DMD: variants seen among roughly 807,000 people sequenced by gnomAD.
DMD encodes the protein mutant dystrophin.
Under a neutral mutation model 330.1 loss-of-function variants are expected in DMD, and 63 were observed. The observed-to-expected ratio is 0.19, with a 90% CI of 0.16 to 0.24. The LOEUF is 0.24. Ranked by LOEUF, DMD falls within the 10% of genes least tolerant of loss-of-function variation. The pLI is 1.00. For synonymous variants in DMD, 1,223 were observed against 959.8 expected (o/e 1.27, Z -5.07); for missense variants, 3,344 against 2,684.1 (o/e 1.25, Z -5.43).
intron 29 of DMD, among the ~76,000 whole-genome samples, chrX:32,412,750 C>T (rs2098148496): frequency 9.0e-6 from 1 of 111,362 alleles, no homozygotes; most frequent in Non-Finnish European, 1.9e-5. Flanking sequence ...AAATACATTT[C>T]CTTAATATAC....
chrX:31,451,348 T>C (rs1450114428), intron 59 of DMD, among the ~76,000 whole-genome samples: 3 of 100,954 alleles, frequency 3.0e-5, no homozygotes, highest in Non-Finnish European at 6.0e-5. Context: ...AATGGCACGA[T>C]CTCGGCTCAC....
intron 7 of DMD, among the ~76,000 whole-genome samples, chrX:32,782,959 T>TAC (rs1312209499): frequency 3.9e-5 from 4 of 103,166 alleles, no homozygotes; most frequent in East Asian, 3.1e-4. Context: ...CACACACACA[T>TAC]ACACACACAC....
At chrX:32,521,169 T>C (rs1233220127) in intron 17 of DMD, among the ~76,000 whole-genome samples, 3 of 111,909 alleles carry the variant, frequency 2.7e-5, no homozygotes, top group Non-Finnish European at 5.6e-5. Context: ...TCCATCCAAT[T>C]TCTAGTATTT....
chrX:32,788,205 T>C (rs1235922368), intron 7 of DMD, among the ~76,000 whole-genome samples: 2 of 111,917 alleles, frequency 1.8e-5, no homozygotes, highest in African/African-American at 3.2e-5. Flanking sequence ...GTTAAGATAA[T>C]AGTAGAATTT....
At chrX:32,183,191 T>G (rs907644984) in intron 44 of DMD, among the ~76,000 whole-genome samples, 2 of 111,136 alleles carry the variant, frequency 1.8e-5, no homozygotes, top group Admixed American at 1.9e-4. Context: ...CCTGCCAACT[T>G]ACTCACAATA....
intron 47 of DMD, among the ~76,000 whole-genome samples, chrX:31,906,177 C>T (rs1368187935): frequency 8.9e-6 from 1 of 111,772 alleles, no homozygotes; most frequent in Non-Finnish European, 1.9e-5. Flanking sequence ...TCTCCTCCTT[C>T]CTGCTGCCAT....
chrX:32,212,975 A>C (rs1244899283), intron 44 of DMD, among the ~76,000 whole-genome samples: 1 of 112,042 alleles, frequency 8.9e-6, no homozygotes, highest in Non-Finnish European at 1.9e-5. Flanking sequence ...GAATGATAAC[A>C]CTAAGTCTCA....
Position 33,229,325 on chromosome X carries a change from A to G in DMD, c.7+109934T>C, listed in dbSNP as rs200782916. On this transcript the variant is annotated intron_variant, in intron 1 of 17. Coordinates refer to the DMD transcript ENST00000288447. ...CCATATGTTTTTCTAAAATATTTGT[A>G]GTTTTATGTTTTATATTTGACATTT... Among the ~76,000 whole-genome samples, 6 of 111,443 alleles carry G rather than the reference A, an allele frequency of 5.4e-5. No homozygotes were observed. In the East Asian group the frequency reaches 1.4e-3, roughly 26 times the overall value.
At chrX:31,547,894 C>A (rs1400075741) in intron 55 of DMD, among the ~76,000 whole-genome samples, 1 of 111,767 alleles carries the variant, frequency 8.9e-6, no homozygotes, top group Admixed American at 9.5e-5. Flanking sequence ...AGAGCCCATT[C>A]AATCCCTCTT....
intron 55 of DMD, among the ~76,000 whole-genome samples, chrX:31,614,177 G>C (rs901494128): frequency 3.6e-5 from 4 of 112,183 alleles, no homozygotes; most frequent in Admixed American, 9.5e-5. Flanking sequence ...AAGAATGCCT[G>C]GTCAAGTGGT....
chrX:31,126,336 G>C (rs1231872251), intron 78 of DMD, among the ~76,000 whole-genome samples: 1 of 112,084 alleles, frequency 8.9e-6, no homozygotes, highest in Non-Finnish European at 1.9e-5. Context: ...GATTTTGTTA[G>C]TGTTGCAAAT....
At chrX:33,260,803 A>G (rs774319909) in intron 1 of DMD, among the ~76,000 whole-genome samples, 1 of 111,513 alleles carries the variant, frequency 9.0e-6, no homozygotes, top group East Asian at 2.8e-4. Context: ...TTTGTCGATG[A>G]TAGGTTGTAA....
rs893579648 is a variant in DMD, at chrX:32,356,310, C to T, written c.5325+6478G>A. Among the ~76,000 whole-genome samples, 12 of 105,094 alleles carry T rather than the reference C, an allele frequency of 1.1e-4. No individual in the cohort carries two copies. The East Asian group carries it at 3.6e-3, about 31-fold the overall frequency. The allele number at this position is 105,094 out of a possible 115,157, so 91.3% of individuals were successfully genotyped here. ...AAGGTCACTGACTCTCTCACAGCCT[C>T]CTATAAACTTGTGAAAGTCTCTTAT... is the stretch of plus-strand genomic sequence containing the variant. On this transcript the variant is annotated intron_variant, in intron 37 of 78. Transcript: ENST00000357033.
At chrX:31,304,600 ATT>A (rs972285281) in intron 62 of DMD, among the ~76,000 whole-genome samples, 1 of 100,169 alleles carries the variant, frequency 1.0e-5, no homozygotes, top group Admixed American at 1.0e-4. Flanking sequence ...TTTTGTGAGC[ATT>A]TTATATATAT....
intron 60 of DMD, among the ~76,000 whole-genome samples, chrX:31,420,128 T>C (rs770475105): frequency 7.1e-5 from 8 of 112,321 alleles, no homozygotes; most frequent in Non-Finnish European, 1.3e-4. Flanking sequence ...TGGGTAAAAA[T>C]ACACTATTGT....
At chrX:32,787,137 TCATGAACC>T (rs2075420138) in intron 7 of DMD, among the ~76,000 whole-genome samples, 1 of 110,054 alleles carries the variant, frequency 9.1e-6, no homozygotes, top group South Asian at 3.9e-4. Flanking sequence ...TAAGGTACTA[TCATGAACC>T]AGCCTTCAGG....
chrX:33,232,221 T>G lies in DMD; in HGVS notation c.7+107038A>C, dbSNP rs757157469. Among the ~76,000 whole-genome samples the G allele has an allele frequency of 2.6e-4, 29 of 110,432 alleles. 1 individual carries two copies. In the South Asian group the frequency reaches 0.011, roughly 42 times the overall value. ...AGAAGGACTTCAGAGAAAAAGAAAA[T>G]GATGTAAGTCAGAAACTTAGATCTA... is the stretch of plus-strand genomic sequence containing the variant. On this transcript the variant is annotated intron_variant, in intron 1 of 17. Coordinates refer to the DMD transcript ENST00000288447.
chrX:32,621,192 G>A (rs2057963522), intron 11 of DMD, among the ~76,000 whole-genome samples: 1 of 111,596 alleles, frequency 9.0e-6, no homozygotes, highest in African/African-American at 3.3e-5. Context: ...GTCAGAAGTA[G>A]TGAAAAAGAA....
At chrX:32,160,657 T>C (rs2096846226) in intron 44 of DMD, among the ~76,000 whole-genome samples, 1 of 111,549 alleles carries the variant, frequency 9.0e-6, no homozygotes, top group Non-Finnish European at 1.9e-5. Flanking sequence ...AAGAATCTTC[T>C]AGCATACTGT....
Sources: gnomAD v4.1 joint callset for allele counts (sites outside exome capture counted in the v4.1 genomes callset) on GRCh38, gnomAD v4.1.1 for gene constraint, MANE v1.5 for transcripts, NCBI Gene and HGNC (gene_info 2026-07-23, HGNC 2026-07-21) for gene names.